The following OR51B5 variants were observed in gnomAD, a reference collection of about 807,000 sequenced individuals.
OR51B5 encodes olfactory receptor 51B5.
For missense variants in OR51B5, 456 were observed against 374.6 expected (o/e 1.22, Z -1.79); for synonymous variants, 186 against 144.8 (o/e 1.28, Z -2.04).
chr11:5,421,921 G>C (rs138350047), intron 1 of OR51B5, among the ~76,000 whole-genome samples: 1,854 of 152,268 alleles, frequency 0.012, 33 homozygotes, highest in African/African-American at 0.043. Context: ...AACTGAATGG[G>C]AGTGGGAAAA....
intron 1 of OR51B5, among the ~76,000 whole-genome samples, chr11:5,413,017 C>G (rs1247562337): frequency 8.1e-6 from 1 of 123,846 alleles, no homozygotes; most frequent in Non-Finnish European, 1.8e-5. Flanking sequence ...CCCAGAGCAG[C>G]CTTACTGGGA....
At chr11:5,351,524 C>G (rs373460998) in intron 1 of OR51B5, 7 of 1,611,796 alleles carry the variant, frequency 4.3e-6, no homozygotes, top group Non-Finnish European at 5.9e-6. Flanking sequence ...CTCAATAAGT[C>G]TGCTTCCACC....
intron 1 of OR51B5, chr11:5,352,531 A>C (rs1167351295): frequency 1.2e-6 from 1 of 803,370 alleles, no homozygotes; most frequent in Non-Finnish European, 2.0e-6. Flanking sequence ...AGGGAAAGTC[A>C]TTTCAATGAG....
chr11:5,431,192 G>A (rs945358518), intron 1 of OR51B5: 1 of 364,484 alleles, frequency 2.7e-6, no homozygotes, highest in African/African-American at 2.1e-5. Flanking sequence ...GGCAGGGTCA[G>A]GATGGCTGTA....
At chr11:5,404,613 C>T (rs1426189663) in intron 1 of OR51B5, among the ~76,000 whole-genome samples, 1 of 152,198 alleles carries the variant, frequency 6.6e-6, no homozygotes, top group African/African-American at 2.4e-5. Context: ...CCCAAGCCAG[C>T]AGCGGCAACC....
At chr11:5,464,352 T>C (rs565570880) in intron 1 of OR51B5, among the ~76,000 whole-genome samples, 2 of 152,154 alleles carry the variant, frequency 1.3e-5, no homozygotes, top group Non-Finnish European at 2.9e-5. Flanking sequence ...GTTAGTTACA[T>C]ATGTATACAT....
chr11:5,497,911 C>T (rs1473485800), intron 1 of OR51B5, among the ~76,000 whole-genome samples: 1 of 152,118 alleles, frequency 6.6e-6, no homozygotes, highest in East Asian at 1.9e-4. Context: ...GTATCCTCTT[C>T]CAAGGAAATG....
chr11:5,353,211 T>A lies in OR51B5; in HGVS notation n.85-6301A>T, dbSNP rs114837819. ...CAAAATGATGAGTCTAGGGAAAGTA[T>A]CTCTATGAGAAATGTGTTCAGTTAA... On this transcript the variant is annotated intron_variant and non_coding_transcript_variant, in intron 1 of 4. Coordinates refer to the OR51B5 transcript ENST00000415970. 9.5e-3 allele frequency among the ~76,000 whole-genome samples: 1,439 copies of A among 152,220 alleles called. 27 individuals are homozygous for A. Among genetic ancestry groups the A allele is most frequent in the African/African-American group, 0.032 (1,322 of 41,542 alleles).
chr11:5,373,662 G>C (rs532705309), intron 1 of OR51B5, among the ~76,000 whole-genome samples: 3 of 152,160 alleles, frequency 2.0e-5, no homozygotes, highest in Admixed American at 1.3e-4. Flanking sequence ...AGGAAATGGC[G>C]CACCAGGAGA....
chr11:5,351,516 C>T (rs779369370), intron 1 of OR51B5: 6 of 1,610,854 alleles, frequency 3.7e-6, no homozygotes, highest in Non-Finnish European at 5.1e-6. Flanking sequence ...CAATGGGGCT[C>T]AATAAGTCTG....
chr11:5,366,062 G>GCTA (rs1849360245), intron 1 of OR51B5, among the ~76,000 whole-genome samples: 1 of 127,726 alleles, frequency 7.8e-6, no homozygotes, highest in African/African-American at 3.0e-5. Flanking sequence ...CATGTTTGGG[G>GCTA]GCTGTTAATG....
intron 1 of OR51B5, among the ~76,000 whole-genome samples, chr11:5,406,018 T>C (rs1850053644): frequency 6.6e-6 from 1 of 152,110 alleles, no homozygotes; most frequent in African/African-American, 2.4e-5. Flanking sequence ...AACATCTGAG[T>C]AACATTAGAG....
At chr11:5,356,454 C>T (rs912194331) in intron 1 of OR51B5, among the ~76,000 whole-genome samples, 6 of 149,174 alleles carry the variant, frequency 4.0e-5, no homozygotes, top group Non-Finnish European at 8.9e-5. Flanking sequence ...TGAACAAAGC[C>T]TCCAAGAAAT....
At chr11:5,453,434 G>A in intron 1 of OR51B5, 1 of 1,335,488 alleles carries the variant, frequency 7.5e-7, no homozygotes, top group Non-Finnish European at 1.0e-6. Context: ...GCAACTGTTA[G>A]AATTCTCCAA....
intron 1 of OR51B5, among the ~76,000 whole-genome samples, chr11:5,393,438 T>C (rs1220571702): frequency 6.6e-6 from 1 of 152,146 alleles, no homozygotes; most frequent in Admixed American, 6.6e-5. Context: ...CTATAAATAT[T>C]TGTATCAAAA....
At chr11:5,412,722 G>T (rs10838062) in intron 1 of OR51B5, among the ~76,000 whole-genome samples, 1 of 151,820 alleles carries the variant, frequency 6.6e-6, no homozygotes, top group African/African-American at 2.4e-5. Flanking sequence ...ACTGCAAGGC[G>T]GCAGCCAGGC....
At chr11:5,411,973 C>T (rs951847465) in intron 1 of OR51B5, among the ~76,000 whole-genome samples, 1 of 152,202 alleles carries the variant, frequency 6.6e-6, no homozygotes, top group African/African-American at 2.4e-5. Context: ...GATTTTAGCC[C>T]AGTGAGATCT....
intron 1 of OR51B5, among the ~76,000 whole-genome samples, chr11:5,411,710 A>G (rs1244945254): frequency 1.3e-5 from 2 of 152,198 alleles, no homozygotes; most frequent in Non-Finnish European, 2.9e-5. Flanking sequence ...ACCTTAAAAT[A>G]AGGTGAAAGT....
chr11:5,422,860 T>C, intron 1 of OR51B5: 1 of 1,614,180 alleles, frequency 6.2e-7, no homozygotes. Flanking sequence ...TGATCTCCTA[T>C]ACACTTATTC....
Sources: gnomAD v4.1 joint callset for allele counts (sites outside exome capture counted in the v4.1 genomes callset) on GRCh38, gnomAD v4.1.1 for gene constraint, MANE v1.5 for transcripts, NCBI Gene and HGNC (gene_info 2026-07-23, HGNC 2026-07-21) for gene names.